Variants in RAB11FIP1 observed in about 807,000 individuals in gnomAD.
RAB11FIP1 encodes RAB11 family interacting protein 1, also known as rab11 family-interacting protein 1.
A neutral mutation model predicts 83.1 loss-of-function variants in RAB11FIP1; 49 were observed. The ratio of observed to expected loss-of-function variants is 0.59; its 90% CI spans 0.47 to 0.75. The LOEUF is 0.75. RAB11FIP1 is among the 30% of genes least tolerant of loss of function. The pLI, the probability that RAB11FIP1 is intolerant of heterozygous loss-of-function variation, is 0.00. For missense variants in RAB11FIP1, 1,536 were observed against 1,598.7 expected (o/e 0.96, Z 0.67); for synonymous variants, 670 against 656.0 (o/e 1.02, Z -0.33).
At position 37,882,499 on chromosome 8, in the gene RAB11FIP1, G is replaced by T. The variant is rs10108296; in HGVS notation, c.372-4948C>A. On this transcript the variant is annotated intron_variant, in intron 1 of 5. Coordinates refer to ENST00000330843, the MANE Select transcript of RAB11FIP1 (RefSeq NM_001002814.3). ...CTTTATCACAAACCCTTGTAGTAGG[G>T]CACATCTCTCAATGATCTTTTTATC... Among the ~76,000 whole-genome samples the T allele has an allele frequency of 1.7e-3, 263 of 152,290 alleles. 3 individuals are homozygous for T. Among genetic ancestry groups the T allele is most frequent in the African/African-American group, 6.0e-3 (248 of 41,552 alleles).
chr8:37,863,579 A>G (rs191713726), intron 5 of RAB11FIP1, among the ~76,000 whole-genome samples: 10 of 152,336 alleles, frequency 6.6e-5, no homozygotes, highest in Non-Finnish European at 1.3e-4. Context: ...CAGTGAAAAC[A>G]GGTTGTTGAC....
chr8:37,893,511 AG>A lies in RAB11FIP1; in HGVS notation c.371+5559del, dbSNP rs527777216. ...CTACAAGAATGGATGAGGCTGAGCAAGGTGGCGCACACCTGTAATCCCAGCA... is the reference window on the plus strand; with the variant it reads ...CTACAAGAATGGATGAGGCTGAGCAAGTGGCGCACACCTGTAATCCCAGCA... On this transcript the variant is annotated intron_variant, in intron 1 of 5. Coordinates refer to ENST00000330843, the MANE Select transcript of RAB11FIP1 (RefSeq NM_001002814.3). 1.4e-4 allele frequency among the ~76,000 whole-genome samples: 21 copies of A among 152,272 alleles called. No individual in the cohort carries two copies. The East Asian group carries it at 3.9e-3, about 28-fold the overall frequency.
chr8:37,871,670 C>T lies in RAB11FIP1; in HGVS notation c.3132G>A (p.Glu1044=), dbSNP rs1165926898. 1.9e-6 allele frequency: 3 copies of T among 1,613,988 alleles called. No homozygotes were observed. Among genetic ancestry groups the T allele is most frequent in the Admixed American group, 3.3e-5 (2 of 60,022 alleles). ...APQASVTAPS[E]QTTEFGIHKP... is the part of the protein sequence containing the mutation. ...TGTGAATTCCGAACTCTGTGGTCTG[C>T]TCTGAAGGAGCTGTCACAGATGCCT... The change falls in exon 4 of 6, where the codon GAG becomes GAA. Residue 1044 remains glutamate (E), a synonymous_variant. Coordinates refer to ENST00000330843, the MANE Select transcript of RAB11FIP1 (RefSeq NM_001002814.3).
chr8:37,893,903 A>C (rs982301520), intron 1 of RAB11FIP1, among the ~76,000 whole-genome samples: 7 of 152,190 alleles, frequency 4.6e-5, no homozygotes, highest in African/African-American at 7.2e-5. Flanking sequence ...ACAAAAAAAA[A>C]CCATGAGGGA....
In RAB11FIP1 at chr8:37,877,229, A is replaced by G. The variant is rs1806635287; in HGVS notation, c.694T>C (p.Ser232Pro). ...SKSNLQKTPL[S>P]QSMSVLPTSK... ...GTCGGCAGGACAGACATGGACTGGGAAAGAGGCGTCTTCTGCAAATTTGAC... is the reference window on the plus strand; with the variant it reads ...GTCGGCAGGACAGACATGGACTGGGGAAGAGGCGTCTTCTGCAAATTTGAC... Residue 232 changes from serine to proline, a missense_variant, in exon 2 of 6, where the codon TCC becomes CCC. Physicochemically the swap from Ser to Pro is moderately conservative, Grantham distance 74. Coordinates refer to ENST00000330843, the MANE Select transcript of RAB11FIP1 (RefSeq NM_001002814.3). The G allele has an allele frequency of 6.2e-7, 1 of 1,614,014 alleles. No individual in the cohort carries two copies.
At position 37,873,059 on chromosome 8, in the gene RAB11FIP1, T is replaced by C. The variant is rs1168433816; in HGVS notation, c.1743A>G (p.Gly581=). 6.2e-7 allele frequency: 1 copy of C among 1,613,856 alleles called. No homozygotes were observed. The highest frequency in any genetic ancestry group is 8.5e-7 in the Non-Finnish European group (1 of 1,180,022). ...SGQASVPSEL[G]HGADTQSSES... ...CAGAGGACTGTGTGTCTGCACCATGTCCCAATTCAGAGGGGACAGATGCCT... is the reference window on the plus strand; with the variant it reads ...CAGAGGACTGTGTGTCTGCACCATGCCCCAATTCAGAGGGGACAGATGCCT... Residue 581 remains glycine (G), a synonymous_variant, in exon 4 of 6, where the codon GGA becomes GGG. Transcript: ENST00000330843.
chr8:37,886,128 T>C (rs1806829342), intron 1 of RAB11FIP1, among the ~76,000 whole-genome samples: 1 of 152,114 alleles, frequency 6.6e-6, no homozygotes, highest in Non-Finnish European at 1.5e-5. Context: ...GTTCCAACGT[T>C]TTTACATGCC....
At chr8:37,870,722 G>A in intron 4 of RAB11FIP1, 194 bp from the exon 5 acceptor site, 1 of 503,374 alleles carries the variant, frequency 2.0e-6, no homozygotes, top group Middle Eastern at 5.1e-4. Flanking sequence ...GCTGCCACAT[G>A]CAAGCCAGGA....
rs1288504496 is a variant in RAB11FIP1, at chr8:37,859,158, A to G, written c.*3737T>C. ...AGATATGGAGACACCATATGGAGAT[A>G]CGGAGTTAAGTTTGGTGGATACTAG... On this transcript the variant is annotated 3_prime_UTR_variant, in exon 6 of 6. Coordinates refer to ENST00000330843, the MANE Select transcript of RAB11FIP1 (RefSeq NM_001002814.3). The G allele has an allele frequency of 6.6e-6, 1 of 151,846 alleles. No individual in the cohort carries two copies. Among genetic ancestry groups the G allele is most frequent in the African/African-American group, 2.4e-5 (1 of 41,100 alleles). The allele number at this position is 151,846 out of a possible 1,614,324, so 9.4% of individuals were successfully genotyped here. A position where few individuals can be genotyped will look rare whatever the true frequency, so the allele number is the denominator to read the frequency against.
At chr8:37,873,267 G>A (rs1427267841) in intron 3 of RAB11FIP1, 88 bp from the exon 4 acceptor site, 8 of 1,405,458 alleles carry the variant, frequency 5.7e-6, no homozygotes, top group African/African-American at 4.3e-5. Context: ...TCATTCACCA[G>A]GGGAGAACGT....
At chr8:37,878,533 CAAAAAAA>C (rs918942295) in intron 1 of RAB11FIP1, among the ~76,000 whole-genome samples, 21 of 24,100 alleles carry the variant, frequency 8.7e-4, no homozygotes, top group Middle Eastern at 0.038. Flanking sequence ...GACTCCATCT[CAAAAAAA>C]AAAAAAAAAA....
intron 2 of RAB11FIP1, among the ~76,000 whole-genome samples, 186 bp downstream of exon 2, chr8:37,876,923 G>A (rs1375057676): frequency 6.6e-6 from 1 of 152,118 alleles, no homozygotes; most frequent in Non-Finnish European, 1.5e-5. Flanking sequence ...TTACAGGCGT[G>A]AGCCACCACG....
chr8:37,868,786 G>A (rs1333838926), intron 5 of RAB11FIP1, among the ~76,000 whole-genome samples: 1 of 152,080 alleles, frequency 6.6e-6, no homozygotes, highest in Non-Finnish European at 1.5e-5. Context: ...TGTTTTGTGG[G>A]GAGTTGTTTT....
At chr8:37,896,596 G>A (rs1188944024) in intron 1 of RAB11FIP1, among the ~76,000 whole-genome samples, 2 of 152,112 alleles carry the variant, frequency 1.3e-5, no homozygotes, top group African/African-American at 4.8e-5. Flanking sequence ...ATAGGTTTAG[G>A]GTTACATTGG....
At chr8:37,870,358 G>T in intron 5 of RAB11FIP1, 62 bp downstream of exon 5, 1 of 953,206 alleles carries the variant, frequency 1.0e-6, no homozygotes, top group Non-Finnish European at 1.7e-6. Flanking sequence ...ATACGATGGT[G>T]ACTATGGAAA....
intron 5 of RAB11FIP1, among the ~76,000 whole-genome samples, chr8:37,864,710 G>A (rs773325330): frequency 6.6e-6 from 1 of 152,176 alleles, no homozygotes; most frequent in Non-Finnish European, 1.5e-5. Context: ...ACCCCACACA[G>A]GCTGCACATT....
Position 37,874,700 on chromosome 8 carries a change from A to G in RAB11FIP1, c.1437T>C (p.Pro479=), listed in dbSNP as rs1481191689. Residue 479 remains proline (P), a synonymous_variant, in exon 3 of 6, where the codon CCT becomes CCC. Transcript: ENST00000330843. ...GVKPGEDASG[P]AEDLVRRSEK... The stretch of plus-strand genomic sequence containing the variant: ...CAGATCTTCTCACAAGGTCTTCAGC[A>G]GGCCCCGATGCGTCCTCCCCCGGCT... 1.2e-6 allele frequency: 2 copies of G among 1,614,198 alleles called. No homozygotes were observed. The highest frequency in any genetic ancestry group is 8.5e-7 in the Non-Finnish European group (1 of 1,180,038).
At chr8:37,874,429 G>A in intron 3 of RAB11FIP1, 86 bp downstream of exon 3, 1 of 1,044,676 alleles carries the variant, frequency 9.6e-7, no homozygotes, top group Non-Finnish European at 1.4e-6. Context: ...TGATATCATG[G>A]GACCCACAAG....
At chr8:37,879,616 C>T (rs1009712299) in intron 1 of RAB11FIP1, among the ~76,000 whole-genome samples, 1 of 147,938 alleles carries the variant, frequency 6.8e-6, no homozygotes, top group African/African-American at 2.4e-5. Context: ...GGCGCAGTGG[C>T]TCACGCCCGT....
Sources: allele counts gnomAD v4.1 joint callset (sites outside exome capture counted in the v4.1 genomes callset), GRCh38; gene constraint gnomAD v4.1.1; transcripts MANE v1.5; gene names NCBI Gene and HGNC (gene_info 2026-07-23, HGNC 2026-07-21).